The following FRAS1 variants were observed in gnomAD, a reference collection of about 807,000 sequenced individuals.
FRAS1 encodes extracellular matrix organizing protein FRAS1.
FRAS1 carries 290 observed loss-of-function variants against 435.2 expected under a neutral mutation model. The observed-to-expected ratio is 0.67, with a 90% CI of 0.61 to 0.73. FRAS1 has a LOEUF of 0.73. Among genes scored for constraint, FRAS1 ranks in the 30% least tolerant of loss-of-function variants. The pLI, the probability that FRAS1 is intolerant of heterozygous loss-of-function variation, is 0.00. For synonymous variants in FRAS1, 1,800 were observed against 1,851.0 expected, an observed-to-expected ratio of 0.97 and a Z score of 0.71; for missense variants, 4,860 against 5,001.5, an observed-to-expected ratio of 0.97 and a Z score of 0.85.
chr4:78,085,982 G>GCACCA (rs1284233050), intron 2 of FRAS1, among the ~76,000 whole-genome samples: 4 of 152,092 alleles, frequency 2.6e-5, no homozygotes, highest in South Asian at 2.1e-4. Context: ...ATTCTTTTCA[G>GCACCA]CACCACACCA....
chr4:78,236,234 A>G (rs1030041535), intron 2 of FRAS1, among the ~76,000 whole-genome samples: 1 of 152,140 alleles, frequency 6.6e-6, no homozygotes, highest in Non-Finnish European at 1.5e-5. Context: ...GGATCAGATT[A>G]TGGGGTCTGC....
chr4:78,289,059 G>A (rs989251707), intron 14 of FRAS1, among the ~76,000 whole-genome samples: 1 of 152,154 alleles, frequency 6.6e-6, no homozygotes, highest in Non-Finnish European at 1.5e-5. Flanking sequence ...CTGTGCTGAG[G>A]AAACTAATTA....
intron 2 of FRAS1, among the ~76,000 whole-genome samples, chr4:78,209,245 C>G (rs1449909803): frequency 6.6e-6 from 1 of 152,060 alleles, no homozygotes. Flanking sequence ...GTTTTTATAC[C>G]CATTATATAT....
At chr4:78,157,959 T>G (rs1299218694) in intron 2 of FRAS1, among the ~76,000 whole-genome samples, 1 of 152,156 alleles carries the variant, frequency 6.6e-6, no homozygotes, top group African/African-American at 2.4e-5. Context: ...TTTGTTGACT[T>G]TGTTGAATAT....
Position 78,508,713 on chromosome 4 carries a change from T to G in FRAS1, c.9505-18T>G. ...GCCAATACCCAACCTGAACTGAAGC[T>G]TTGTTGCTCTTTCGCAGGTGGTCAC... On this transcript the variant is annotated intron_variant, in intron 62 of 73. Coordinates refer to ENST00000512123, the MANE Select transcript of FRAS1 (RefSeq NM_025074.7). 1 of 1,613,358 alleles carries G rather than the reference T, an allele frequency of 6.2e-7. No homozygotes were observed. The highest frequency in any genetic ancestry group is 8.5e-7 in the Non-Finnish European group (1 of 1,179,636).
At chr4:78,449,959 TAAATTGA>T (rs1337413548) in intron 44 of FRAS1, among the ~76,000 whole-genome samples, 185 bp from the exon 45 acceptor site, 1 of 151,616 alleles carries the variant, frequency 6.6e-6, no homozygotes, top group Non-Finnish European at 1.5e-5. Context: ...GGAAAATTAG[TAAATTGA>T]AATGTCGGTA....
At chr4:78,116,462 T>C (rs1220997303) in intron 2 of FRAS1, among the ~76,000 whole-genome samples, 1 of 152,194 alleles carries the variant, frequency 6.6e-6, no homozygotes, top group Non-Finnish European at 1.5e-5. Context: ...TGTGTGGGAG[T>C]CTAAGTCTCT....
At position 78,133,799 on chromosome 4, in the gene FRAS1, C is replaced by G. The variant is rs149235995; in HGVS notation, c.108+67783C>G. On this transcript the variant is annotated intron_variant, in intron 2 of 73. Coordinates refer to ENST00000512123, the MANE Select transcript of FRAS1 (RefSeq NM_025074.7). ...TGTTGTCATCACTGATCAAGTGAGTCACTTAATTTTGCTCTTTCTTTTAAA... is the reference window on the plus strand; with the variant it reads ...TGTTGTCATCACTGATCAAGTGAGTGACTTAATTTTGCTCTTTCTTTTAAA... Among the ~76,000 whole-genome samples the G allele has an allele frequency of 3.3e-4, 50 of 152,248 alleles. 1 individual carries two copies. In the East Asian group the frequency reaches 9.3e-3, roughly 28 times the overall value.
chr4:78,466,445 G>A lies in FRAS1; in HGVS notation c.7257+10G>A, dbSNP rs1373195499. On this transcript the variant is annotated intron_variant, in intron 50 of 73. Coordinates refer to ENST00000512123, the MANE Select transcript of FRAS1 (RefSeq NM_025074.7). ...GGAAGGGGGAAAAGAGGTGAGGGGT[G>A]AGGACACTGGAGGAGGTAGCCTAGC... 6.3e-7 allele frequency: 1 copy of A among 1,589,428 alleles called. No individual in the cohort carries two copies. The highest frequency in any genetic ancestry group is 1.1e-5 in the South Asian group (1 of 89,290).
chr4:78,323,079 C>A (rs1729571201), intron 18 of FRAS1, among the ~76,000 whole-genome samples: 1 of 152,126 alleles, frequency 6.6e-6, no homozygotes, highest in African/African-American at 2.4e-5. Flanking sequence ...ATGGCGATGG[C>A]CACTTGTATG....
intron 2 of FRAS1, among the ~76,000 whole-genome samples, chr4:78,073,784 G>A (rs17002912): frequency 0.13 from 19,056 of 152,172 alleles, 1,271 homozygotes; most frequent in Middle Eastern, 0.19. Context: ...TGAAATTTCA[G>A]TTACAAATGT....
chr4:78,374,796 C>G (rs917105970), intron 25 of FRAS1, among the ~76,000 whole-genome samples: 1 of 152,242 alleles, frequency 6.6e-6, no homozygotes, highest in East Asian at 1.9e-4. Flanking sequence ...GGTTCGTATG[C>G]CCCACTGTAA....
chr4:78,283,799 T>A (rs1727443199), intron 12 of FRAS1, among the ~76,000 whole-genome samples: 1 of 152,168 alleles, frequency 6.6e-6, no homozygotes, highest in South Asian at 2.1e-4. Flanking sequence ...AACAAACATT[T>A]AGCATATTAT....
intron 2 of FRAS1, among the ~76,000 whole-genome samples, chr4:78,190,724 A>T (rs577616547): frequency 6.6e-6 from 1 of 151,658 alleles, no homozygotes; most frequent in East Asian, 2.0e-4. Context: ...TTGAATGGTT[A>T]CACAAATGGT....
intron 2 of FRAS1, among the ~76,000 whole-genome samples, chr4:78,141,263 T>C (rs112271268): frequency 4.7e-4 from 72 of 152,300 alleles, no homozygotes; most frequent in African/African-American, 1.7e-3. Flanking sequence ...TTCTCATTGT[T>C]CAACTTTGGC....
chr4:78,097,919 C>T (rs1741895108), intron 2 of FRAS1, among the ~76,000 whole-genome samples: 1 of 137,290 alleles, frequency 7.3e-6, no homozygotes, highest in South Asian at 2.4e-4. Flanking sequence ...GGAAGACCAC[C>T]TGAAGGCAAT....
chr4:78,491,987 C>T (rs1467011055), intron 59 of FRAS1, among the ~76,000 whole-genome samples: 3 of 152,172 alleles, frequency 2.0e-5, no homozygotes, highest in Non-Finnish European at 4.4e-5. Flanking sequence ...GCAAAAATCA[C>T]AAGCATTCCT....
intron 14 of FRAS1, among the ~76,000 whole-genome samples, chr4:78,301,853 T>TTG (rs1365827740): frequency 6.7e-6 from 1 of 149,096 alleles, no homozygotes; most frequent in African/African-American, 2.5e-5. Context: ...ACAGTTTTTT[T>TTG]TTTTTTTTTT....
intron 20 of FRAS1, among the ~76,000 whole-genome samples, chr4:78,340,733 C>T (rs559415974): frequency 8.5e-5 from 13 of 152,226 alleles, no homozygotes; most frequent in African/African-American, 2.4e-4. Flanking sequence ...TCAAGGTGCC[C>T]GCAGGCTTGG....
Sources: gnomAD v4.1 joint callset for allele counts (sites outside exome capture counted in the v4.1 genomes callset) on GRCh38, gnomAD v4.1.1 for gene constraint, MANE v1.5 for transcripts, NCBI Gene and HGNC (gene_info 2026-07-23, HGNC 2026-07-21) for gene names.